The following HMOX2 variants were observed in gnomAD, a reference collection of about 807,000 sequenced individuals.
HMOX2 encodes heme oxygenase 2, also known as heme oxygenase (decycling) 2.
A neutral mutation model predicts 33.7 loss-of-function variants in HMOX2; 30 were observed. That is an observed-to-expected ratio of 0.89 (90% CI 0.67 to 1.21). The LOEUF (loss-of-function observed/expected upper bound fraction) is 1.21, where lower values mean the gene tolerates loss of function less well. HMOX2 is among the 50% of genes most tolerant of loss of function. HMOX2 has a pLI of 0.00. For synonymous variants in HMOX2, 155 were observed against 155.0 expected (o/e 1.00, Z 0.00); for missense variants, 403 against 399.1 (o/e 1.01, Z -0.08).
chr16:4,481,419 A>G (rs906184513), intron 1 of HMOX2, among the ~76,000 whole-genome samples: 3 of 152,048 alleles, frequency 2.0e-5, no homozygotes, highest in African/African-American at 7.2e-5. Flanking sequence ...TAGTTAATCT[A>G]GTTGACTGGC....
chr16:4,478,899 A>G (rs1052199220), intron 1 of HMOX2, among the ~76,000 whole-genome samples: 2 of 151,122 alleles, frequency 1.3e-5, no homozygotes, highest in Admixed American at 1.3e-4. Context: ...TCACGCCTGT[A>G]ATCCCAGCAC....
chr16:4,503,557 C>G (rs17881972), intron 1 of HMOX2, among the ~76,000 whole-genome samples: 3 of 152,166 alleles, frequency 2.0e-5, no homozygotes, highest in Non-Finnish European at 4.4e-5. Context: ...CATCACTAAG[C>G]CTCAGTCAAA....
chr16:4,481,105 G>C (rs2058015942), intron 1 of HMOX2, among the ~76,000 whole-genome samples: 1 of 151,736 alleles, frequency 6.6e-6, no homozygotes, highest in Non-Finnish European at 1.5e-5. Context: ...CCAGCACTTT[G>C]GGAGGCGGAG....
At chr16:4,483,163 GTGT>G in intron 1 of HMOX2, among the ~76,000 whole-genome samples, 1 of 242 alleles carries the variant, frequency 4.1e-3, no homozygotes, top group African/African-American at 0.01. Context: ...AAACCCTGGT[GTGT>G]GTGTGTGTGT....
At chr16:4,500,106 G>T (rs140533356) in intron 1 of HMOX2, among the ~76,000 whole-genome samples, 2 of 152,186 alleles carry the variant, frequency 1.3e-5, no homozygotes, top group African/African-American at 4.8e-5. Context: ...GATCTCTCTT[G>T]TAGGAAGCTT....
intron 1 of HMOX2, among the ~76,000 whole-genome samples, chr16:4,501,630 T>C (rs932283777): frequency 1.3e-5 from 2 of 152,216 alleles, no homozygotes; most frequent in African/African-American, 4.8e-5. Flanking sequence ...CATTGAAGTC[T>C]AAAAAGGTTC....
chr16:4,482,128 C>A (rs2058047120), intron 1 of HMOX2, among the ~76,000 whole-genome samples: 1 of 152,156 alleles, frequency 6.6e-6, no homozygotes, highest in African/African-American at 2.4e-5. Flanking sequence ...TAAAAAACTC[C>A]ATTCCTCTAC....
intron 1 of HMOX2, among the ~76,000 whole-genome samples, chr16:4,488,302 C>G (rs185772820): frequency 9.9e-5 from 15 of 152,038 alleles, no homozygotes; most frequent in Non-Finnish European, 1.8e-4. Context: ...TTTGAATTTC[C>G]TCTGAATAAT....
chr16:4,484,554 G>A (rs1391032252), intron 1 of HMOX2, among the ~76,000 whole-genome samples: 2 of 146,590 alleles, frequency 1.4e-5, no homozygotes, highest in East Asian at 4.1e-4. Context: ...TCCACCTCCC[G>A]GGTTCAAATG....
At chr16:4,485,966 C>T (rs1005833302) in intron 1 of HMOX2, among the ~76,000 whole-genome samples, 1 of 152,142 alleles carries the variant, frequency 6.6e-6, no homozygotes, top group African/African-American at 2.4e-5. Context: ...TCAGGTGATC[C>T]ACCCACCTCA....
intron 1 of HMOX2, among the ~76,000 whole-genome samples, chr16:4,486,376 G>A (rs933191813): frequency 1.3e-5 from 2 of 152,284 alleles, no homozygotes; most frequent in South Asian, 2.1e-4. Flanking sequence ...GAGGACTGCT[G>A]AGGCCACAGC....
intron 1 of HMOX2, among the ~76,000 whole-genome samples, chr16:4,495,069 T>C (rs2058387126): frequency 6.6e-6 from 1 of 152,224 alleles, no homozygotes; most frequent in Non-Finnish European, 1.5e-5. Flanking sequence ...CATTTACAGC[T>C]AATTGCTAGT....
intron 1 of HMOX2, among the ~76,000 whole-genome samples, chr16:4,482,614 AG>A (rs1326754350): frequency 6.6e-6 from 1 of 152,170 alleles, no homozygotes; most frequent in Non-Finnish European, 1.5e-5. Context: ...CTGACCTACT[AG>A]CTATAAATCG....
At chr16:4,475,678 C>T (rs542391758), upstream of HMOX2, among the ~76,000 whole-genome samples, 11 of 151,848 alleles carry the variant, frequency 7.2e-5, no homozygotes, top group Admixed American at 3.3e-4. Context: ...GTGCGGTGGC[C>T]TGTAATTGCA....
chr16:4,503,630 A>G (rs1052970660), intron 1 of HMOX2, among the ~76,000 whole-genome samples: 5 of 152,220 alleles, frequency 3.3e-5, no homozygotes, highest in Non-Finnish European at 1.5e-5. Flanking sequence ...ATTGTGCTAT[A>G]TGAGTTATTG....
At chr16:4,489,758 C>G (rs959742750) in intron 1 of HMOX2, among the ~76,000 whole-genome samples, 1 of 152,152 alleles carries the variant, frequency 6.6e-6, no homozygotes, top group African/African-American at 2.4e-5. Flanking sequence ...TGCGCCGAGC[C>G]TCATCCAGCT....
chr16:4,484,202 C>CT (rs1273488735), intron 1 of HMOX2, among the ~76,000 whole-genome samples: 1 of 151,932 alleles, frequency 6.6e-6, no homozygotes, highest in East Asian at 1.9e-4. Flanking sequence ...TCTCAATCTC[C>CT]TGACCTCATG....
chr16:4,500,374 TGG>T (rs950909353), intron 1 of HMOX2, among the ~76,000 whole-genome samples: 1 of 152,186 alleles, frequency 6.6e-6, no homozygotes, highest in African/African-American at 2.4e-5. Flanking sequence ...CCTGTGTTTG[TGG>T]GGTAACAACC....
chr16:4,502,820 G>A (rs979833249), intron 1 of HMOX2: 3 of 152,332 alleles, frequency 2.0e-5, no homozygotes, highest in African/African-American at 7.2e-5. Flanking sequence ...CCAGGCTCAA[G>A]AAATCCTCCT....
Sources: allele counts gnomAD v4.1 joint callset (sites outside exome capture counted in the v4.1 genomes callset), GRCh38; gene constraint gnomAD v4.1.1; transcripts MANE v1.5; gene names NCBI Gene and HGNC (gene_info 2026-07-23, HGNC 2026-07-21).